ATRNL1: variants seen among roughly 807,000 people sequenced by gnomAD.
ATRNL1 encodes attractin like 1, also known as attractin-like protein 1.
In ATRNL1, 95 loss-of-function variants were observed where a neutral mutation model predicts 182.7. That is an observed-to-expected ratio of 0.52 (90% CI 0.44 to 0.62). ATRNL1 has a LOEUF of 0.62. ATRNL1 is among the 20% of genes least tolerant of loss of function. The pLI, the probability that ATRNL1 is intolerant of heterozygous loss-of-function variation, is 0.00. For synonymous variants in ATRNL1, 576 were observed against 568.3 expected (o/e 1.01, Z -0.19); for missense variants, 1,471 against 1,679.5 (o/e 0.88, Z 2.17).
rs138399323 is a variant in ATRNL1, at chr10:115,561,740, C to T, written c.3795+12204C>T. 7.5e-3 allele frequency among the ~76,000 whole-genome samples: 969 copies of T among 128,652 alleles called. 3 individuals carry two copies. The highest frequency in any genetic ancestry group is 0.011 in the Non-Finnish European group (667 of 61,672). The allele number at this position is 128,652 out of a possible 152,430, so 84.4% of individuals were successfully genotyped here. ...GTGTGTGTGTTTGTGTGGTCAGTAA[C>T]TCATGAAAATGAAAAGATGCTCAAC... On this transcript the variant is annotated intron_variant, in intron 26 of 28. Transcript: ENST00000355044.
chr10:115,657,888 C>T (rs1555036460), intron 26 of ATRNL1, among the ~76,000 whole-genome samples: 1 of 151,950 alleles, frequency 6.6e-6, no homozygotes, highest in East Asian at 1.9e-4. Context: ...AAAATGTATC[C>T]TAACTAAACA....
intron 27 of ATRNL1, among the ~76,000 whole-genome samples, chr10:115,834,416 G>A (rs557927953): frequency 1.6e-4 from 24 of 152,190 alleles, no homozygotes; most frequent in African/African-American, 5.3e-4. Context: ...ATATATGTCT[G>A]AATCCATAAG....
Position 115,727,300 on chromosome 10 carries a change from A to G in ATRNL1, c.3848A>G (p.Asp1283Gly). Reference protein sequence around the residue: ...QMASRPFASVDVALEVGAEQT... With the variant: ...QMASRPFASVGVALEVGAEQT... ...GCCAGCCGTCCCTTTGCTTCTGTTG[A>G]TGTAGCTCTGGAAGTGGGAGCTGAA... Residue 1283 changes from aspartate (D) to glycine (G), a missense_variant, in exon 27 of 29, where the codon GAT (aspartate) becomes GGT (glycine). Asp to Gly is a moderately conservative substitution (Grantham distance 94). This residue lies in a region of ATRNL1 where 437 missense variants were observed against 506.0 expected (regional missense o/e 0.86). Transcript: ENST00000355044. 1.2e-6 allele frequency: 2 copies of G among 1,614,142 alleles called. No individual in the cohort carries two copies. Among genetic ancestry groups the G allele is most frequent in the Non-Finnish European group, 1.7e-6 (2 of 1,180,016 alleles).
At chr10:115,331,698 T>C (rs556291140) in intron 18 of ATRNL1, among the ~76,000 whole-genome samples, 155 of 152,342 alleles carry the variant, frequency 1.0e-3, no homozygotes, top group African/African-American at 3.7e-3. Context: ...AGTCTGGATT[T>C]GTTTGTGACT....
At chr10:115,879,930 G>C (rs1245645580) in intron 28 of ATRNL1, among the ~76,000 whole-genome samples, 8 of 152,106 alleles carry the variant, frequency 5.3e-5, no homozygotes, top group African/African-American at 1.9e-4. Context: ...GGCAGTAAAA[G>C]CTGAGCTCAG....
intron 10 of ATRNL1, among the ~76,000 whole-genome samples, chr10:115,250,683 T>G (rs960346195): frequency 6.6e-6 from 1 of 152,226 alleles, no homozygotes; most frequent in African/African-American, 2.4e-5. Context: ...GCATAATTGG[T>G]CTTTTAATTC....
At chr10:115,099,024 A>G (rs1261014191) in intron 1 of ATRNL1, among the ~76,000 whole-genome samples, 1 of 152,248 alleles carries the variant, frequency 6.6e-6, no homozygotes, top group African/African-American at 2.4e-5. Flanking sequence ...CACCACAATC[A>G]AAATCATAAA....
At chr10:115,101,851 T>C (rs1284017176) in intron 1 of ATRNL1, among the ~76,000 whole-genome samples, 2 of 152,232 alleles carry the variant, frequency 1.3e-5, no homozygotes, top group Admixed American at 6.5e-5. Context: ...ATTCAACTTT[T>C]ATTAATATAC....
chr10:115,574,834 C>A (rs1555004635), intron 26 of ATRNL1, among the ~76,000 whole-genome samples: 1 of 152,134 alleles, frequency 6.6e-6, no homozygotes, highest in East Asian at 1.9e-4. Context: ...TTAAACATAG[C>A]CTATTTTCTT....
rs879984324 is a variant in ATRNL1, at chr10:115,946,932, G to C, written c.*2153G>C. On this transcript the variant is annotated 3_prime_UTR_variant, in exon 29 of 29. Transcript: ENST00000355044. Reference sequence around the variant, plus strand: ...GCTATATTTTTAGGGAGGCTAAGCAGATAGTATTACTGTGGAAGAATTATC... The same window carrying C: ...GCTATATTTTTAGGGAGGCTAAGCACATAGTATTACTGTGGAAGAATTATC... 4.6e-5 allele frequency: 7 copies of C among 152,420 alleles called. No homozygotes were observed. The South Asian group carries it at 1.2e-3, about 27-fold the overall frequency. 9.4% of individuals were successfully genotyped at this position (152,420 alleles called of 1,614,324 possible).
At chr10:115,830,039 G>A (rs1950524999) in intron 27 of ATRNL1, among the ~76,000 whole-genome samples, 1 of 152,204 alleles carries the variant, frequency 6.6e-6, no homozygotes, top group African/African-American at 2.4e-5. Flanking sequence ...TGCAACAAGA[G>A]AGTCCTTTGT....
chr10:115,503,485 G>A lies in ATRNL1; in HGVS notation c.3655-15778G>A, dbSNP rs561196947. On this transcript the variant is annotated intron_variant, in intron 24 of 28. Coordinates refer to ENST00000355044, the MANE Select transcript of ATRNL1 (RefSeq NM_207303.4). ...TAAAAGGGGAGAGAAAACCTAAAAC[G>A]GTGAGATGCAATACAAGTTGAACAT... Among the ~76,000 whole-genome samples the A allele has an allele frequency of 8.3e-4, 125 of 150,256 alleles. No individual in the cohort carries two copies. In the South Asian group the frequency reaches 0.017, roughly 21 times the overall value.
intron 26 of ATRNL1, among the ~76,000 whole-genome samples, chr10:115,669,928 C>T (rs1445646773): frequency 6.6e-6 from 1 of 152,006 alleles, no homozygotes; most frequent in African/African-American, 2.4e-5. Context: ...TTTAACAGCT[C>T]TCCAATTTCA....
At position 115,948,659 on chromosome 10, in the gene ATRNL1, AC is replaced by A. The variant is rs1589729290; in HGVS notation, c.*3882del. 6.6e-6 allele frequency: 1 copy of A among 152,356 alleles called. No individual in the cohort carries two copies. The highest frequency in any genetic ancestry group is 1.5e-5 in the Non-Finnish European group (1 of 68,030). 9.4% of individuals were successfully genotyped at this position (152,356 alleles called of 1,614,324 possible). A position where few individuals can be genotyped will look rare whatever the true frequency, so the allele number is the denominator to read the frequency against. ...TGGGTCAAAGTGCTGCCTTTAATCG[AC>A]CATTAGAGGGAGTTCTCTAAATAAC... On this transcript the variant is annotated 3_prime_UTR_variant, in exon 29 of 29. Transcript: ENST00000355044.
chr10:115,465,623 A>C (rs1328786643), intron 22 of ATRNL1, among the ~76,000 whole-genome samples: 2 of 151,052 alleles, frequency 1.3e-5, no homozygotes, highest in East Asian at 1.9e-4. Context: ...ATAAGAAGGA[A>C]GTTAACTTCC....
intron 25 of ATRNL1, among the ~76,000 whole-genome samples, chr10:115,531,805 A>C (rs1592798446): frequency 6.8e-6 from 1 of 146,470 alleles, no homozygotes; most frequent in Non-Finnish European, 1.5e-5. Context: ...TAATTTTTGT[A>C]TAAGGTGTAA....
At chr10:115,316,430 T>C (rs1854306323) in intron 18 of ATRNL1, among the ~76,000 whole-genome samples, 1 of 152,192 alleles carries the variant, frequency 6.6e-6, no homozygotes, top group Non-Finnish European at 1.5e-5. Context: ...CATGTGCATG[T>C]GTCTTTATAG....
At chr10:115,581,176 A>C (rs1017091952) in intron 26 of ATRNL1, among the ~76,000 whole-genome samples, 33 of 152,172 alleles carry the variant, frequency 2.2e-4, no homozygotes, top group African/African-American at 7.5e-4. Flanking sequence ...CTTTTAAGAA[A>C]TGTACCTCAC....
chr10:115,194,327 T>C (rs1848277039), intron 8 of ATRNL1, among the ~76,000 whole-genome samples: 1 of 152,026 alleles, frequency 6.6e-6, no homozygotes, highest in African/African-American at 2.4e-5. Flanking sequence ...TTTGGGGTCT[T>C]CTCTCTTTTT....
Sources: allele counts gnomAD v4.1 joint callset (sites outside exome capture counted in the v4.1 genomes callset), GRCh38; gene constraint gnomAD v4.1.1; regional missense constraint gnomAD v4.1.1; transcripts MANE v1.5; gene names NCBI Gene and HGNC (gene_info 2026-07-23, HGNC 2026-07-21).